ALCAM: variants seen among roughly 807,000 people sequenced by gnomAD.
The protein encoded by ALCAM is CD166 antigen.
ALCAM carries 30 observed loss-of-function variants against 70.9 expected under a neutral mutation model. That is an observed-to-expected ratio of 0.42 (90% CI 0.32 to 0.57). The LOEUF (loss-of-function observed/expected upper bound fraction) is 0.57, where lower values mean the gene tolerates loss of function less well. Ranked by LOEUF, ALCAM falls within the 20% of genes least tolerant of loss-of-function variation. ALCAM has a pLI of 0.11. For synonymous variants in ALCAM, 249 were observed against 242.5 expected (o/e 1.03, Z -0.25); for missense variants, 591 against 695.1 (o/e 0.85, Z 1.68).
intron 1 of ALCAM, among the ~76,000 whole-genome samples, chr3:105,437,244 G>GT (rs759026329): frequency 3.3e-5 from 5 of 152,034 alleles, no homozygotes; most frequent in African/African-American, 9.7e-5. Flanking sequence ...AGTTGCTAAA[G>GT]TTTTTTTATT....
intron 5 of ALCAM, among the ~76,000 whole-genome samples, chr3:105,534,293 A>ATGT (rs1939914768): frequency 6.6e-6 from 1 of 152,134 alleles, no homozygotes; most frequent in Non-Finnish European, 1.5e-5. Flanking sequence ...GGATCTAAAT[A>ATGT]TGTTGCCCTC....
chr3:105,418,679 A>G (rs1209409458), intron 1 of ALCAM, among the ~76,000 whole-genome samples: 1 of 151,750 alleles, frequency 6.6e-6, no homozygotes, highest in Non-Finnish European at 1.5e-5. Flanking sequence ...AAATTGGGGT[A>G]GTGGGGTGTT....
intron 1 of ALCAM, among the ~76,000 whole-genome samples, chr3:105,502,028 T>G (rs2152616398): frequency 6.6e-6 from 1 of 152,290 alleles, no homozygotes; most frequent in African/African-American, 2.4e-5. Context: ...AACAGCAAAT[T>G]AAATTATAAG....
chr3:105,394,980 T>A (rs2107360140), intron 1 of ALCAM, among the ~76,000 whole-genome samples: 1 of 152,118 alleles, frequency 6.6e-6, no homozygotes, highest in African/African-American at 2.4e-5. Flanking sequence ...TGAAATAAAA[T>A]GCAAGCAAGG....
intron 1 of ALCAM, among the ~76,000 whole-genome samples, chr3:105,436,488 C>T (rs928525197): frequency 1.3e-5 from 2 of 151,948 alleles, no homozygotes; most frequent in African/African-American, 2.4e-5. Context: ...CCACCACACC[C>T]GGCTAATTTT....
chr3:105,458,034 T>A (rs1937556707), intron 1 of ALCAM, among the ~76,000 whole-genome samples: 1 of 151,780 alleles, frequency 6.6e-6, no homozygotes, highest in Non-Finnish European at 1.5e-5. Context: ...AAAACTAGTT[T>A]CTTAGAGCTA....
intron 1 of ALCAM, among the ~76,000 whole-genome samples, chr3:105,389,398 T>G: frequency 7.8e-6 from 1 of 127,892 alleles, no homozygotes; most frequent in East Asian, 2.7e-4. Context: ...TTTTTTTTTT[T>G]CTAAAAAACA....
intron 9 of ALCAM, among the ~76,000 whole-genome samples, chr3:105,546,402 C>A (rs992692137): frequency 6.6e-6 from 1 of 151,448 alleles, no homozygotes; most frequent in Non-Finnish European, 1.5e-5. Context: ...TTGTCTTACT[C>A]TGTGAGCTCA....
At chr3:105,563,094 C>T (rs1414138479) in intron 14 of ALCAM, among the ~76,000 whole-genome samples, 2 of 151,870 alleles carry the variant, frequency 1.3e-5, no homozygotes, top group Non-Finnish European at 2.9e-5. Context: ...GCATGAGTCA[C>T]AGCACCCAGC....
chr3:105,555,270 C>A (rs1249156681), intron 14 of ALCAM, among the ~76,000 whole-genome samples: 1 of 152,026 alleles, frequency 6.6e-6, no homozygotes, highest in Non-Finnish European at 1.5e-5. Context: ...AGTTCACCAA[C>A]TCTGACAGAG....
intron 1 of ALCAM, among the ~76,000 whole-genome samples, chr3:105,477,761 A>G (rs1438983912): frequency 6.6e-6 from 1 of 151,972 alleles, no homozygotes; most frequent in Admixed American, 6.6e-5. Flanking sequence ...TGAAGCACTG[A>G]TTTTTTTAAT....
chr3:105,404,173 T>C (rs1341575888), intron 1 of ALCAM, among the ~76,000 whole-genome samples: 1 of 151,918 alleles, frequency 6.6e-6, no homozygotes, highest in African/African-American at 2.4e-5. Flanking sequence ...TTTGAGGGAA[T>C]AATTAAGGAA....
intron 1 of ALCAM, among the ~76,000 whole-genome samples, chr3:105,490,468 A>T (rs1938550733): frequency 6.6e-6 from 1 of 152,162 alleles, no homozygotes; most frequent in African/African-American, 2.4e-5. Context: ...TTAAGTACAC[A>T]CTTGTGTTCT....
At chr3:105,554,566 A>G (rs1281609666) in intron 14 of ALCAM, among the ~76,000 whole-genome samples, 1 of 152,036 alleles carries the variant, frequency 6.6e-6, no homozygotes, top group Admixed American at 6.6e-5. Context: ...AAGTTGACAC[A>G]TAAAATTAAC....
intron 1 of ALCAM, among the ~76,000 whole-genome samples, chr3:105,376,554 A>G (rs2107325095): frequency 6.6e-6 from 1 of 152,326 alleles, no homozygotes; most frequent in South Asian, 2.1e-4. Flanking sequence ...ATGGAAATAA[A>G]CTAATTACTA....
At position 105,575,930 on chromosome 3, in the gene ALCAM, A is replaced by G. The variant is rs1940953944; in HGVS notation, c.*1479A>G. On this transcript the variant is annotated 3_prime_UTR_variant, in exon 16 of 16. Coordinates refer to ENST00000306107, the MANE Select transcript of ALCAM (RefSeq NM_001627.4). ...GAAGGCAATGAAAAATAAATTGAAA[A>G]TTAAAGTCAGATGAGAATAGGAATA... 6.6e-6 allele frequency: 1 copy of G among 152,210 alleles called. No individual in the cohort carries two copies. The highest frequency in any genetic ancestry group is 2.4e-5 in the African/African-American group (1 of 41,470). 9.4% of individuals were successfully genotyped at this position (152,210 alleles called of 1,614,324 possible).
chr3:105,475,365 G>T (rs987343986), intron 1 of ALCAM, among the ~76,000 whole-genome samples: 2 of 151,944 alleles, frequency 1.3e-5, no homozygotes, highest in Non-Finnish European at 2.9e-5. Context: ...TATTCTGGTT[G>T]CTCTGAGGAG....
intron 1 of ALCAM, among the ~76,000 whole-genome samples, chr3:105,506,415 A>G (rs192548102): frequency 1.5e-4 from 23 of 152,272 alleles, no homozygotes; most frequent in African/African-American, 5.3e-4. Flanking sequence ...AGTCTTTTCC[A>G]TGTGGTTTGT....
chr3:105,513,147 T>G, intron 1 of ALCAM, among the ~76,000 whole-genome samples: 1 of 151,106 alleles, frequency 6.6e-6, no homozygotes, highest in East Asian at 1.9e-4. Flanking sequence ...TTATTTAAGT[T>G]TATCACCACT....
Sources: gnomAD v4.1 joint callset for allele counts (sites outside exome capture counted in the v4.1 genomes callset) on GRCh38, gnomAD v4.1.1 for gene constraint, MANE v1.5 for transcripts, NCBI Gene and HGNC (gene_info 2026-07-23, HGNC 2026-07-21) for gene names.